FANCA: variants seen among roughly 807,000 people sequenced by gnomAD.
The protein encoded by FANCA is Fanconi anemia group A protein.
In FANCA, 236 loss-of-function variants were observed where a neutral mutation model predicts 194.3. The ratio of observed to expected loss-of-function variants is 1.21; its 90% CI spans 1.09 to 1.35. The LOEUF (loss-of-function observed/expected upper bound fraction) is 1.35, where lower values mean the gene tolerates loss of function less well. Ranked by LOEUF, FANCA falls within the 40% of genes most tolerant of loss-of-function variation. The pLI, the probability that FANCA is intolerant of heterozygous loss-of-function variation, is 0.00. For missense variants in FANCA, 2,628 were observed against 1,813.9 expected, an observed-to-expected ratio of 1.45 and a Z score of -8.15; for synonymous variants, 1,014 against 715.8, an observed-to-expected ratio of 1.42 and a Z score of -6.65.
intron 36 of FANCA, chr16:89,744,587 GGA>G: frequency 1.1e-5 from 4 of 348,958 alleles, no homozygotes; most frequent in Admixed American, 4.0e-5. Flanking sequence ...CAGGTGCAAA[GGA>G]ATCACTCGAG....
chr16:89,799,047 A>T, intron 10 of FANCA, 119 bp downstream of exon 10: 1 of 1,614,258 alleles, frequency 6.2e-7, no homozygotes, highest in Non-Finnish European at 8.5e-7. Flanking sequence ...TAACTGGCAG[A>T]GGAAGTGTGC....
chr16:89,738,737 A>G (rs770282073), intron 42 of FANCA, 29 bp from the exon 43 acceptor site: 6 of 1,613,116 alleles, frequency 3.7e-6, no homozygotes, highest in East Asian at 2.2e-5. Context: ...TCCTCAGCCC[A>G]TGCCGCCCAC....
At chr16:89,740,243 G>GT (rs1555534173) in intron 38 of FANCA, 144 bp from the exon 39 acceptor site, 6 of 755,860 alleles carry the variant, frequency 7.9e-6, no homozygotes, top group Non-Finnish European at 1.4e-5. Flanking sequence ...CCTATAGAAG[G>GT]TAATACTGGG....
rs755202969 is a variant in FANCA, at chr16:89,808,301, G to A, written c.589C>T (p.Leu197=). ...VQGIVSLQEL[L]ESHPDMHAVG... Reference sequence around the variant, plus strand: ...TCATCATTAGCACGCTACCTTTCCAGCAGCTCTTGCAGGCTCACAATGCCT... The same window carrying A: ...TCATCATTAGCACGCTACCTTTCCAACAGCTCTTGCAGGCTCACAATGCCT... Residue 197 remains leucine (L), a synonymous_variant, in exon 6 of 43, where the codon CTG becomes TTG. Coordinates refer to ENST00000389301, the MANE Select transcript of FANCA (RefSeq NM_000135.4). The A allele has an allele frequency of 7.4e-6, 12 of 1,613,868 alleles. No individual in the cohort carries two copies. The highest frequency in any genetic ancestry group is 1.3e-5 in the African/African-American group (1 of 74,904).
At chr16:89,773,458 A>G in intron 21 of FANCA, 74 bp from the exon 22 acceptor site, 1 of 1,031,332 alleles carries the variant, frequency 9.7e-7, no homozygotes, top group Non-Finnish European at 1.5e-6. Flanking sequence ...GAAACTTCAC[A>G]CAGTCAAATA....
chr16:89,738,035 AAC>A lies in FANCA; in HGVS notation c.*564_*565del. The A allele has an allele frequency of 6.2e-7, 1 of 1,614,144 alleles. No homozygotes were observed. The highest frequency in any genetic ancestry group is 2.2e-5 in the East Asian group (1 of 44,878). ...GCATCCCTCAAGTACCACATGACCA[AAC>A]ACAAGGCTGAGACTGAGCTGGACTT... On this transcript the variant is annotated 3_prime_UTR_variant, in exon 43 of 43. Coordinates refer to ENST00000389301, the MANE Select transcript of FANCA (RefSeq NM_000135.4).
Position 89,778,996 on chromosome 16 carries a change from T to A in FANCA, c.1723A>T (p.Arg575Trp). Residue 575 changes from arginine to tryptophan, a missense_variant, in exon 19 of 43, where the codon AGG becomes TGG. Physicochemically the swap from Arg to Trp is moderately radical, Grantham distance 101. Transcript: ENST00000389301. The part of the protein sequence containing the change: ...PVTVMEASIF[R>W]RPYYVSHFLP... Reference sequence around the variant, plus strand: ...AAGTGGGACACGTAGTAAGGCCTCCTGAATATGCTGCAACACAGAGAAGCA... The same window carrying A: ...AAGTGGGACACGTAGTAAGGCCTCCAGAATATGCTGCAACACAGAGAAGCA... 1 of 1,613,508 alleles carries A rather than the reference T, an allele frequency of 6.2e-7. No individual in the cohort carries two copies. Among genetic ancestry groups the A allele is most frequent in the Non-Finnish European group, 8.5e-7 (1 of 1,180,000 alleles).
At chr16:89,803,603 A>C (rs995887142) in intron 7 of FANCA, among the ~76,000 whole-genome samples, 2 of 151,252 alleles carry the variant, frequency 1.3e-5, no homozygotes, top group African/African-American at 2.4e-5. Flanking sequence ...AAAGGGAACA[A>C]GTTTATAGTC....
intron 6 of FANCA, among the ~76,000 whole-genome samples, chr16:89,807,159 T>C (rs1455966154): frequency 6.6e-6 from 1 of 151,984 alleles, no homozygotes; most frequent in Non-Finnish European, 1.5e-5. Context: ...AGATAAGATG[T>C]GTATATCCTA....
At chr16:89,810,833 C>T in intron 4 of FANCA, 31 bp from the exon 5 acceptor site, 2 of 1,612,594 alleles carry the variant, frequency 1.2e-6, no homozygotes, top group South Asian at 2.2e-5. Flanking sequence ...TTTTAAAAAA[C>T]AAATTACCTG....
At position 89,784,930 on chromosome 16, in the gene FANCA, C is replaced by T; in HGVS notation, c.1394G>A (p.Cys465Tyr). 6.2e-7 allele frequency: 1 copy of T among 1,614,124 alleles called. No individual in the cohort carries two copies. The change falls in exon 15 of 43, where the codon TGC becomes TAC. Residue 465 changes from cysteine (C) to tyrosine (Y), a missense_variant. Physicochemically the swap from Cys to Tyr is radical, Grantham distance 194. Coordinates refer to ENST00000389301, the MANE Select transcript of FANCA (RefSeq NM_000135.4). ...CAGGAAGACCAGGGCCTTCTTGCTGCAGCCATGGTAGCCTCGTGTGCTCCC... is the reference window on the plus strand; with the variant it reads ...CAGGAAGACCAGGGCCTTCTTGCTGTAGCCATGGTAGCCTCGTGTGCTCCC... ...SFGSTRGYHG[C>Y]SKKALVFLFT...
chr16:89,753,434 C>T (rs1055190920), intron 30 of FANCA, among the ~76,000 whole-genome samples: 3 of 152,198 alleles, frequency 2.0e-5, no homozygotes, highest in African/African-American at 4.8e-5. Flanking sequence ...AGAGACCCAC[C>T]GACCCTCCGG....
At chr16:89,802,694 T>C (rs1431426923) in intron 8 of FANCA, among the ~76,000 whole-genome samples, 2 of 152,132 alleles carry the variant, frequency 1.3e-5, no homozygotes, top group African/African-American at 2.4e-5. Flanking sequence ...TGAGCCACCA[T>C]GCCCGGCCAG....
chr16:89,811,852 T>TC (rs1567654802), intron 3 of FANCA, among the ~76,000 whole-genome samples: 1 of 152,064 alleles, frequency 6.6e-6, no homozygotes. Context: ...TGCCTCAGCC[T>TC]CCCAAGTAGC....
chr16:89,779,979 A>C, intron 17 of FANCA, 22 bp from the exon 18 acceptor site: 1 of 1,605,860 alleles, frequency 6.2e-7, no homozygotes, highest in Non-Finnish European at 8.5e-7. Context: ...ACAGGGAGGA[A>C]AGGAAAAAGA....
chr16:89,764,366 G>A (rs912502924), intron 28 of FANCA, among the ~76,000 whole-genome samples: 1 of 152,096 alleles, frequency 6.6e-6, no homozygotes, highest in Non-Finnish European at 1.5e-5. Flanking sequence ...ATAGAGTGGC[G>A]TGATCTTGGC....
chr16:89,797,102 G>C (rs531372901), intron 10 of FANCA, among the ~76,000 whole-genome samples: 52 of 152,334 alleles, frequency 3.4e-4, no homozygotes, highest in African/African-American at 1.1e-3. Flanking sequence ...GGAGCTTGCA[G>C]TGAGCAGAGA....
At chr16:89,740,352 C>G in intron 38 of FANCA, 1 of 538,426 alleles carries the variant, frequency 1.9e-6, no homozygotes, top group East Asian at 3.2e-5. Flanking sequence ...AAAAGAAAGG[C>G]CCACAGGCCG....
In FANCA at chr16:89,803,356, A is replaced by T. The variant is rs755517483; in HGVS notation, c.710-15T>A. ...TTGAACAAAATCTGAAAAACCATAA[A>T]ACCAAAGTTATTTATGGACATCATG... On this transcript the variant is annotated splice_polypyrimidine_tract_variant and intron_variant, in intron 7 of 42. Coordinates refer to ENST00000389301, the MANE Select transcript of FANCA (RefSeq NM_000135.4). 19 of 1,609,832 alleles carry T rather than the reference A, an allele frequency of 1.2e-5. No homozygotes were observed. The highest frequency in any genetic ancestry group is 1.6e-5 in the Non-Finnish European group (19 of 1,176,236).
Sources: gnomAD v4.1 joint callset for allele counts (sites outside exome capture counted in the v4.1 genomes callset) on GRCh38, gnomAD v4.1.1 for gene constraint, MANE v1.5 for transcripts, NCBI Gene and HGNC (gene_info 2026-07-23, HGNC 2026-07-21) for gene names.